Variants in PPP1R9A observed in about 807,000 individuals in gnomAD.
PPP1R9A encodes the protein neurabin-1.
Under a neutral mutation model 141.9 loss-of-function variants are expected in PPP1R9A, and 59 were observed. The ratio of observed to expected loss-of-function variants is 0.42; its 90% CI spans 0.34 to 0.52. The LOEUF is 0.52. PPP1R9A is among the 20% of genes least tolerant of loss of function. The pLI is 0.10. For synonymous variants in PPP1R9A, 500 were observed against 569.7 expected (o/e 0.88, Z 1.74); for missense variants, 1,444 against 1,611.9 (o/e 0.90, Z 1.78).
chr7:95,042,293 G>A (rs537600717), intron 2 of PPP1R9A, among the ~76,000 whole-genome samples: 5 of 152,136 alleles, frequency 3.3e-5, no homozygotes, highest in Non-Finnish European at 5.9e-5. Context: ...AGTGCAATGG[G>A]TCTTTTTCTG....
intron 5 of PPP1R9A, among the ~76,000 whole-genome samples, chr7:95,184,455 T>A (rs932899115): frequency 1.8e-4 from 28 of 152,040 alleles, no homozygotes; most frequent in Non-Finnish European, 3.7e-4. Context: ...TTTAAAAAAA[T>A]TATTTCATTT....
Position 95,273,928 on chromosome 7 carries a change from G to C in PPP1R9A, c.3154G>C (p.Ala1052Pro). 6.6e-7 allele frequency: 1 copy of C among 1,505,110 alleles called. No individual in the cohort carries two copies. The highest frequency in any genetic ancestry group is 9.1e-7 in the Non-Finnish European group (1 of 1,095,322). The allele number at this position is 1,505,110 out of a possible 1,614,324, so 93.2% of individuals were successfully genotyped here. Residue 1052 changes from alanine (A) to proline (P), a missense_variant, in exon 15 of 20, where the codon GCA becomes CCA. Ala to Pro is a conservative substitution (Grantham distance 27). This residue lies in a region of PPP1R9A where 459 missense variants were observed against 513.8 expected (regional missense o/e 0.89). Transcript: ENST00000433360. ...TGCCAAAGATCCCAAATCACTAAGG[G>C]CATCCAGTTCATTGGCGGTGCAAGG... is the stretch of plus-strand genomic sequence containing the variant. ...DDAKDPKSLRASSSLAVQGGK... is the reference protein window; with the variant it reads ...DDAKDPKSLRPSSSLAVQGGK...
At chr7:95,283,061 C>T (rs1221074581) in intron 16 of PPP1R9A, among the ~76,000 whole-genome samples, 3 of 152,150 alleles carry the variant, frequency 2.0e-5, no homozygotes, top group African/African-American at 7.2e-5. Context: ...GTGGTATCAG[C>T]AGCTATCAAA....
chr7:95,118,279 T>C (rs1216824409), intron 3 of PPP1R9A, among the ~76,000 whole-genome samples: 1 of 152,182 alleles, frequency 6.6e-6, no homozygotes, highest in African/African-American at 2.4e-5. Flanking sequence ...ATAAATCCTC[T>C]TGATGAAATC....
At chr7:95,151,880 TTTG>T (rs1287677710) in intron 4 of PPP1R9A, among the ~76,000 whole-genome samples, 1 of 151,484 alleles carries the variant, frequency 6.6e-6, no homozygotes, top group Admixed American at 6.6e-5. Context: ...TATTTATAAG[TTTG>T]TTTTTATTTT....
In PPP1R9A at chr7:95,011,940, A is replaced by G. The variant is rs528873310; in HGVS notation, c.1396-99319A>G. ...AAATATATATGTCTGCATTAATGAT[A>G]TATAAAATATTCACTTAATTTCGAG... On this transcript the variant is annotated intron_variant, in intron 2 of 19. Transcript: ENST00000433360. Among the ~76,000 whole-genome samples the G allele has an allele frequency of 1.9e-4, 29 of 152,320 alleles. No homozygotes were observed. In the South Asian group the frequency reaches 5.0e-3, roughly 26 times the overall value.
intron 4 of PPP1R9A, among the ~76,000 whole-genome samples, chr7:95,127,446 A>G (rs1251723134): frequency 1.3e-5 from 2 of 151,518 alleles, no homozygotes; most frequent in Admixed American, 6.6e-5. Flanking sequence ...GTCTATCGTT[A>G]CTGTTTCTGT....
intron 2 of PPP1R9A, among the ~76,000 whole-genome samples, chr7:95,048,573 C>A (rs1810356204): frequency 6.6e-6 from 1 of 151,708 alleles, no homozygotes; most frequent in South Asian, 2.1e-4. Context: ...GACAGAGTCT[C>A]ATTCTGTTGC....
chr7:95,023,655 G>A (rs902207856), intron 2 of PPP1R9A, among the ~76,000 whole-genome samples: 1 of 152,094 alleles, frequency 6.6e-6, no homozygotes, highest in Non-Finnish European at 1.5e-5. Flanking sequence ...CTGGTTTCAC[G>A]CCATTCTCCT....
chr7:95,086,491 C>G (rs1239205244), intron 2 of PPP1R9A, among the ~76,000 whole-genome samples: 1 of 152,014 alleles, frequency 6.6e-6, no homozygotes, highest in Admixed American at 6.5e-5. Flanking sequence ...ATGTTTTAGT[C>G]TGTTGCCTTT....
At position 95,118,082 on chromosome 7, in the gene PPP1R9A, G is replaced by A. The variant is rs181768849; in HGVS notation, c.1529-2630G>A. Among the ~76,000 whole-genome samples, 109 of 152,190 alleles carry A rather than the reference G, an allele frequency of 7.2e-4. 1 individual carries two copies. The highest frequency in any genetic ancestry group is 9.7e-4 in the East Asian group (5 of 5,168). ...AATGTCAATAAGAATTCAGCTATCCGCTAACCTTATACACACAAGAGAATT... is the reference window on the plus strand; with the variant it reads ...AATGTCAATAAGAATTCAGCTATCCACTAACCTTATACACACAAGAGAATT... On this transcript the variant is annotated intron_variant, in intron 3 of 19. Transcript: ENST00000433360.
chr7:95,013,062 A>G (rs1277682106), intron 2 of PPP1R9A, among the ~76,000 whole-genome samples: 1 of 152,072 alleles, frequency 6.6e-6, no homozygotes, highest in African/African-American at 2.4e-5. Context: ...TTATTCCTCA[A>G]AGTATGAATT....
Position 95,217,328 on chromosome 7 carries a change from A to G in PPP1R9A, c.1957-8633A>G, listed in dbSNP as rs181284341. The stretch of plus-strand genomic sequence containing the variant: ...TCCCAGTGATGAAGCCCACTTGATC[A>G]TGGTGGATAAGCTTTTTGATGTGCT... On this transcript the variant is annotated intron_variant, in intron 7 of 19. Coordinates refer to ENST00000433360, the MANE Select transcript of PPP1R9A (RefSeq NM_001166160.2). 2.0e-4 allele frequency among the ~76,000 whole-genome samples: 31 copies of G among 152,286 alleles called. 1 individual carries two copies. The highest frequency in any genetic ancestry group is 7.2e-4 in the African/African-American group (30 of 41,570).
At chr7:95,189,500 G>A (rs1195949990) in intron 5 of PPP1R9A, among the ~76,000 whole-genome samples, 1 of 145,926 alleles carries the variant, frequency 6.9e-6, no homozygotes, top group African/African-American at 2.5e-5. Flanking sequence ...GCAGTGGCGG[G>A]ATCTCGGCTC....
intron 2 of PPP1R9A, among the ~76,000 whole-genome samples, chr7:94,941,573 A>T (rs529991890): frequency 2.0e-4 from 30 of 151,936 alleles, no homozygotes; most frequent in Non-Finnish European, 3.4e-4. Flanking sequence ...GTATAGTTTG[A>T]TATGGAAAGG....
At chr7:95,106,474 G>T (rs1019436659) in intron 2 of PPP1R9A, among the ~76,000 whole-genome samples, 3 of 152,062 alleles carry the variant, frequency 2.0e-5, no homozygotes, top group African/African-American at 7.2e-5. Context: ...GTATCTTGGG[G>T]TCTTCCATGT....
In PPP1R9A at chr7:95,163,161, T is replaced by C. The variant is rs1269078866; in HGVS notation, c.1754+1190T>C. Among the ~76,000 whole-genome samples the C allele has an allele frequency of 3.3e-5, 5 of 152,348 alleles. 1 individual carries two copies. Among genetic ancestry groups the C allele is most frequent in the African/African-American group, 1.2e-4 (5 of 41,584 alleles). ...TAAAATGAAATAGGTAAGATATACA[T>C]TCAACTCATAAGAACATTTCTCAGT... is the stretch of plus-strand genomic sequence containing the variant. On this transcript the variant is annotated intron_variant, in intron 5 of 19. Transcript: ENST00000433360.
chr7:94,945,840 GATTTT>G (rs1044704345), intron 2 of PPP1R9A, among the ~76,000 whole-genome samples: 10 of 151,852 alleles, frequency 6.6e-5, no homozygotes, highest in Non-Finnish European at 1.5e-4. Flanking sequence ...TTAATTCTTG[GATTTT>G]ATTTTATGAG....
intron 14 of PPP1R9A, 76 bp from the exon 15 acceptor site, chr7:95,273,823 A>G (rs1278393508): frequency 2.3e-6 from 3 of 1,289,370 alleles, no homozygotes; most frequent in Non-Finnish European, 3.2e-6. Context: ...CCTTAGATTC[A>G]GAGATGCATT....
Sources: allele counts gnomAD v4.1 joint callset (sites outside exome capture counted in the v4.1 genomes callset), GRCh38; gene constraint gnomAD v4.1.1; regional missense constraint gnomAD v4.1.1; transcripts MANE v1.5; gene names NCBI Gene and HGNC (gene_info 2026-07-23, HGNC 2026-07-21).